The following LRIF1 variants were observed in gnomAD, a reference collection of about 807,000 sequenced individuals.
The protein encoded by LRIF1 is ligand dependent nuclear receptor interacting factor 1, also known as ligand-dependent nuclear receptor-interacting factor 1.
Under a neutral mutation model 52.7 loss-of-function variants are expected in LRIF1, and 32 were observed. The observed-to-expected ratio is 0.61, with a 90% CI of 0.46 to 0.82. The LOEUF is 0.82. LRIF1 is among the 40% of genes least tolerant of loss of function. The pLI, the probability that LRIF1 is intolerant of heterozygous loss-of-function variation, is 0.00. For synonymous variants in LRIF1, 323 were observed against 317.4 expected (o/e 1.02, Z -0.19); for missense variants, 887 against 892.0 (o/e 0.99, Z 0.07).
chr1:110,915,535 A>G, the LRIF1 span, among the ~76,000 whole-genome samples: 2 of 147,744 alleles, frequency 1.4e-5, no homozygotes, highest in Non-Finnish European at 2.9e-5. Context: ...ACTATGTTCA[A>G]AAATGTACAA....
chr1:110,881,602 C>A, the LRIF1 span, among the ~76,000 whole-genome samples: 38 of 152,188 alleles, frequency 2.5e-4, no homozygotes, highest in Admixed American at 2.5e-3. Context: ...CATATGCTTT[C>A]ATTTCTCTTG....
At chr1:110,928,663 G>A in the LRIF1 span, among the ~76,000 whole-genome samples, 1 of 152,122 alleles carries the variant, frequency 6.6e-6, no homozygotes, top group Non-Finnish European at 1.5e-5. Flanking sequence ...ATTAAACAAA[G>A]TGGTGGGGAC....
At chr1:110,963,590 G>A in intron 1 of LRIF1, 31 bp downstream of exon 1, 1 of 1,587,740 alleles carries the variant, frequency 6.3e-7, no homozygotes, top group Non-Finnish European at 8.6e-7. Context: ...CAGAGGGGCA[G>A]CCGTGGGGAG....
chr1:110,894,395 A>G, the LRIF1 span: 3 of 1,612,312 alleles, frequency 1.9e-6, no homozygotes, highest in Admixed American at 1.7e-5. Flanking sequence ...TTGTATATGA[A>G]CAGAAGGTAA....
the LRIF1 span, among the ~76,000 whole-genome samples, chr1:110,913,069 G>T: frequency 6.6e-6 from 1 of 152,156 alleles, no homozygotes; most frequent in Non-Finnish European, 1.5e-5. Context: ...AAGCAATGGG[G>T]AAAGGACTCC....
chr1:110,912,729 C>A, the LRIF1 span, among the ~76,000 whole-genome samples: 2 of 152,132 alleles, frequency 1.3e-5, no homozygotes, highest in Admixed American at 1.3e-4. Flanking sequence ...TAGGAACAAT[C>A]AATATTGTTA....
At chr1:110,883,426 TG>T in the LRIF1 span, among the ~76,000 whole-genome samples, 1 of 152,032 alleles carries the variant, frequency 6.6e-6, no homozygotes, top group African/African-American at 2.4e-5. Context: ...TTCTTATCAT[TG>T]TTCTATATCG....
the LRIF1 span, chr1:110,894,400 A>G: frequency 1.2e-6 from 2 of 1,611,448 alleles, no homozygotes; most frequent in Admixed American, 1.7e-5. Context: ...TATGAACAGA[A>G]GGTAAGTTAT....
chr1:110,889,279 G>A, the LRIF1 span, among the ~76,000 whole-genome samples: 5 of 152,006 alleles, frequency 3.3e-5, no homozygotes, highest in East Asian at 5.8e-4. Context: ...ATAATTGGCC[G>A]GGTGTGGTGG....
At chr1:110,894,236 C>G in the LRIF1 span, 1 of 1,040,542 alleles carries the variant, frequency 9.6e-7, no homozygotes, top group South Asian at 1.3e-5. Context: ...ACCCTGTACT[C>G]GTGCAAATGC....
In LRIF1 at chr1:110,960,883, G is replaced by C. The variant is rs150270671; in HGVS notation, c.68+2738C>G. Among the ~76,000 whole-genome samples, 200 of 152,176 alleles carry C rather than the reference G, an allele frequency of 1.3e-3. 1 individual carries two copies. Among genetic ancestry groups the C allele is most frequent in the Middle Eastern group, 6.8e-3 (2 of 294 alleles). On this transcript the variant is annotated intron_variant, in intron 1 of 3. Transcript: ENST00000369763. ...TGTAGATCACTCACCCTCAAATCCA[G>C]ACTGCCAACGTTATCTAAAATGTAC...
the LRIF1 span, among the ~76,000 whole-genome samples, chr1:110,890,496 G>A: frequency 6.6e-6 from 1 of 152,126 alleles, no homozygotes; most frequent in Admixed American, 6.5e-5. Context: ...GAGCCTGGGA[G>A]GTGAAGGTTG....
At chr1:110,908,678 G>A in the LRIF1 span, among the ~76,000 whole-genome samples, 1 of 151,598 alleles carries the variant, frequency 6.6e-6, no homozygotes. Flanking sequence ...ATCAATACAA[G>A]CAGATAAAAA....
At chr1:110,911,171 C>A in the LRIF1 span, among the ~76,000 whole-genome samples, 1 of 151,166 alleles carries the variant, frequency 6.6e-6, no homozygotes, top group Non-Finnish European at 1.5e-5. Context: ...TTTATGCTAC[C>A]CTCAACCCCC....
the LRIF1 span, chr1:110,894,833 C>A: frequency 1.4e-6 from 1 of 712,360 alleles, no homozygotes. Flanking sequence ...TCCCCTCACC[C>A]TTAGTTCTGA....
chr1:110,925,312 T>C, the LRIF1 span, among the ~76,000 whole-genome samples: 4 of 152,162 alleles, frequency 2.6e-5, no homozygotes, highest in Non-Finnish European at 5.9e-5. Context: ...TGGACTCAAA[T>C]TGCAACTCTT....
At chr1:110,962,945 G>T (rs933444006) in intron 1 of LRIF1, among the ~76,000 whole-genome samples, 1 of 151,384 alleles carries the variant, frequency 6.6e-6, no homozygotes, top group East Asian at 1.9e-4. Flanking sequence ...CTAAGTTACT[G>T]ATCATCTATT....
chr1:110,911,821 G>A, the LRIF1 span, among the ~76,000 whole-genome samples: 1 of 152,116 alleles, frequency 6.6e-6, no homozygotes, highest in Admixed American at 6.6e-5. Flanking sequence ...CATATTAAAA[G>A]CCCTCAAAAA....
the LRIF1 span, among the ~76,000 whole-genome samples, chr1:110,934,804 C>A: frequency 6.6e-6 from 1 of 152,166 alleles, no homozygotes; most frequent in Admixed American, 6.5e-5. Context: ...GCCTGGCTGG[C>A]TTTGCCACCT....
Sources: gnomAD v4.1 joint callset for allele counts (sites outside exome capture counted in the v4.1 genomes callset) on GRCh38, gnomAD v4.1.1 for gene constraint, MANE v1.5 for transcripts, NCBI Gene and HGNC (gene_info 2026-07-23, HGNC 2026-07-21) for gene names.